SMYD3: variants seen among roughly 807,000 people sequenced by gnomAD.
The protein encoded by SMYD3 is SET and MYND domain containing 3, also known as histone-lysine N-methyltransferase SMYD3.
In SMYD3, 36 loss-of-function variants were observed where a neutral mutation model predicts 57.7. The ratio of observed to expected loss-of-function variants is 0.62; its 90% CI spans 0.48 to 0.82. The LOEUF (loss-of-function observed/expected upper bound fraction) is 0.82, where lower values mean the gene tolerates loss of function less well. Among genes scored for constraint, SMYD3 ranks in the 40% least tolerant of loss-of-function variants. SMYD3 has a pLI of 0.00. For synonymous variants in SMYD3, 211 were observed against 195.0 expected (o/e 1.08, Z -0.68); for missense variants, 515 against 538.8 (o/e 0.96, Z 0.44).
chr1:245,803,010 G>T (rs2047947607), intron 10 of SMYD3, among the ~76,000 whole-genome samples: 1 of 152,180 alleles, frequency 6.6e-6, no homozygotes, highest in Non-Finnish European at 1.5e-5. Context: ...TCTCAAAACT[G>T]CCAGAAATGA....
intron 7 of SMYD3, among the ~76,000 whole-genome samples, chr1:245,927,564 C>G (rs530128118): frequency 2.0e-5 from 3 of 152,064 alleles, no homozygotes; most frequent in South Asian, 2.1e-4. Flanking sequence ...GGATGCCCCC[C>G]CCTGCCCACG....
rs527702988 is a variant in SMYD3, at chr1:246,045,845, A to G, written c.532-115908T>C. Among the ~76,000 whole-genome samples, 1,458 of 152,358 alleles carry G rather than the reference A, an allele frequency of 9.6e-3. 19 individuals carry two copies. The highest frequency in any genetic ancestry group is 0.033 in the African/African-American group (1,364 of 41,576). ...GAACAGACACTTCTCAAAAGAAGACATTTATGCAGCCAACAGACACATGAA... is the reference window on the plus strand; with the variant it reads ...GAACAGACACTTCTCAAAAGAAGACGTTTATGCAGCCAACAGACACATGAA... On this transcript the variant is annotated intron_variant, in intron 5 of 11. Transcript: ENST00000490107.
chr1:246,178,120 A>C (rs538264688), intron 5 of SMYD3, among the ~76,000 whole-genome samples: 1 of 152,232 alleles, frequency 6.6e-6, no homozygotes. Flanking sequence ...GTGTAGCAAC[A>C]GTTCCAAAGG....
chr1:245,803,913 ATT>A (rs34038938), intron 10 of SMYD3, among the ~76,000 whole-genome samples: 152 of 73,312 alleles, frequency 2.1e-3, no homozygotes, highest in Middle Eastern at 0.011. Flanking sequence ...GTAAGTCAGT[ATT>A]TTTTTTTTTT....
chr1:246,181,139 G>A (rs774497367), intron 5 of SMYD3, among the ~76,000 whole-genome samples: 27 of 152,178 alleles, frequency 1.8e-4, no homozygotes, highest in Admixed American at 4.6e-4. Flanking sequence ...GTGAACAGAG[G>A]TTTCATTCCA....
intron 5 of SMYD3, among the ~76,000 whole-genome samples, chr1:246,250,078 T>C (rs377419006): frequency 9.8e-5 from 15 of 152,314 alleles, no homozygotes; most frequent in African/African-American, 3.6e-4. Context: ...CCTGCAAAAC[T>C]GTCTAAAAAT....
intron 1 of SMYD3, among the ~76,000 whole-genome samples, chr1:246,448,860 T>C (rs1156391044): frequency 1.3e-5 from 2 of 152,126 alleles, no homozygotes; most frequent in African/African-American, 2.4e-5. Context: ...ATGCTTTTAG[T>C]TGGCTCACCT....
chr1:246,053,776 C>T (rs1204504182), intron 5 of SMYD3, among the ~76,000 whole-genome samples: 1 of 151,066 alleles, frequency 6.6e-6, no homozygotes, highest in Non-Finnish European at 1.5e-5. Context: ...GTAGTGAGAC[C>T]CGATCTCTAT....
chr1:245,982,330 T>TATA (rs2058614901), intron 5 of SMYD3, among the ~76,000 whole-genome samples: 2 of 152,174 alleles, frequency 1.3e-5, no homozygotes, highest in Admixed American at 1.3e-4. Context: ...TCTCACTATG[T>TATA]TGCCCAGGCT....
At chr1:246,305,048 T>C (rs2064956604) in intron 5 of SMYD3, among the ~76,000 whole-genome samples, 1 of 152,316 alleles carries the variant, frequency 6.6e-6, no homozygotes, top group African/African-American at 2.4e-5. Context: ...ATACGATTAC[T>C]TGGAATAAGG....
chr1:245,774,900 A>C (rs55639325), intron 10 of SMYD3, among the ~76,000 whole-genome samples: 55,376 of 151,298 alleles, frequency 0.37, 12,287 homozygotes, highest in East Asian at 0.88. Flanking sequence ...ACGGGGTTTC[A>C]CTGTGTTGGC....
intron 5 of SMYD3, among the ~76,000 whole-genome samples, chr1:246,058,979 A>T (rs936206763): frequency 6.6e-6 from 1 of 151,024 alleles, no homozygotes. Flanking sequence ...GGTTCACACC[A>T]TTCTCCTGCC....
intron 5 of SMYD3, among the ~76,000 whole-genome samples, chr1:246,237,797 A>G (rs2063535160): frequency 6.6e-6 from 1 of 152,196 alleles, no homozygotes; most frequent in South Asian, 2.1e-4. Context: ...AGTTTACTGT[A>G]TTCACTTAAA....
At chr1:246,246,201 T>G (rs1354872059) in intron 5 of SMYD3, among the ~76,000 whole-genome samples, 2 of 152,200 alleles carry the variant, frequency 1.3e-5, no homozygotes, top group African/African-American at 4.8e-5. Flanking sequence ...GGTGGCTTTC[T>G]TTAGTTAAAA....
intron 5 of SMYD3, among the ~76,000 whole-genome samples, chr1:246,009,097 A>G (rs183884004): frequency 1.3e-5 from 2 of 152,304 alleles, no homozygotes; most frequent in African/African-American, 4.8e-5. Context: ...AATGATAACT[A>G]TATAAAATAA....
intron 1 of SMYD3, among the ~76,000 whole-genome samples, chr1:246,369,929 C>T (rs2066166854): frequency 6.6e-6 from 1 of 151,988 alleles, no homozygotes; most frequent in Non-Finnish European, 1.5e-5. Flanking sequence ...GTTAGTATTT[C>T]GAGGAAAATT....
intron 5 of SMYD3, chr1:246,053,182 T>C (rs1226500979): frequency 2.6e-5 from 4 of 151,990 alleles, no homozygotes; most frequent in Non-Finnish European, 5.9e-5. Context: ...GAGGTCAAAG[T>C]GAGACCCTGT....
chr1:245,767,025 A>G (rs1353535289), intron 10 of SMYD3, among the ~76,000 whole-genome samples: 1 of 152,158 alleles, frequency 6.6e-6, no homozygotes, highest in African/African-American at 2.4e-5. Flanking sequence ...AATAAAAATC[A>G]TGATTCCTTG....
intron 1 of SMYD3, among the ~76,000 whole-genome samples, chr1:246,379,890 C>A (rs1366909018): frequency 6.6e-6 from 1 of 151,888 alleles, no homozygotes; most frequent in Non-Finnish European, 1.5e-5. Flanking sequence ...ATCCCAGCTA[C>A]TCAAGAGGCT....
Sources: allele counts gnomAD v4.1 joint callset (sites outside exome capture counted in the v4.1 genomes callset), GRCh38; gene constraint gnomAD v4.1.1; transcripts MANE v1.5; gene names NCBI Gene and HGNC (gene_info 2026-07-23, HGNC 2026-07-21).